The following TRIM44 variants were observed in gnomAD, a reference collection of about 807,000 sequenced individuals.
The protein encoded by TRIM44 is tripartite motif-containing protein 44.
Under a neutral mutation model 37.4 loss-of-function variants are expected in TRIM44, and 13 were observed. That is an observed-to-expected ratio of 0.35 (90% CI 0.23 to 0.55). The LOEUF is 0.55. Among genes scored for constraint, TRIM44 ranks in the 20% least tolerant of loss-of-function variants. The pLI, the probability that TRIM44 is intolerant of heterozygous loss-of-function variation, is 0.89. For missense variants in TRIM44, 426 were observed against 437.2 expected, an observed-to-expected ratio of 0.97 and a Z score of 0.23; for synonymous variants, 175 against 157.2, an observed-to-expected ratio of 1.11 and a Z score of -0.85.
intron 4 of TRIM44, among the ~76,000 whole-genome samples, chr11:35,787,867 T>G (rs1301854065): frequency 1.3e-5 from 2 of 152,318 alleles, no homozygotes; most frequent in African/African-American, 4.8e-5. Context: ...TAATGAGGCA[T>G]TCAGTGTCTA....
intron 4 of TRIM44, among the ~76,000 whole-genome samples, chr11:35,752,103 C>G (rs372706903): frequency 6.6e-6 from 1 of 151,998 alleles, no homozygotes; most frequent in Admixed American, 6.6e-5. Context: ...TAGTAAGTGG[C>G]ATTATTCTGT....
At chr11:35,757,427 T>G (rs913215309) in intron 4 of TRIM44, among the ~76,000 whole-genome samples, 3 of 152,180 alleles carry the variant, frequency 2.0e-5, no homozygotes, top group African/African-American at 4.8e-5. Context: ...TCTATCAATT[T>G]TGTTGATTTT....
chr11:35,768,195 A>G (rs1222868765), intron 4 of TRIM44, among the ~76,000 whole-genome samples: 1 of 152,192 alleles, frequency 6.6e-6, no homozygotes, highest in Non-Finnish European at 1.5e-5. Context: ...TTGAGTGTAG[A>G]CTGTAGAATT....
rs1300140891 is a variant in TRIM44, at chr11:35,817,973, A to C, written c.*11588A>C. 6.6e-6 allele frequency: 1 copy of C among 152,196 alleles called. No homozygotes were observed. The highest frequency in any genetic ancestry group is 2.4e-5 in the African/African-American group (1 of 41,440). The allele number at this position is 152,196 out of a possible 1,614,324, so 9.4% of individuals were successfully genotyped here. ...GCATCATGCTTGCTGTGCAGCCTGC[A>C]GAACTGTGAGCCAATTAAACCTCTT... is the stretch of plus-strand genomic sequence containing the variant. On this transcript the variant is annotated 3_prime_UTR_variant, in exon 5 of 5. Coordinates refer to ENST00000299413, the MANE Select transcript of TRIM44 (RefSeq NM_017583.6).
intron 2 of TRIM44, among the ~76,000 whole-genome samples, chr11:35,691,946 A>G (rs1851641359): frequency 6.6e-6 from 1 of 151,824 alleles, no homozygotes; most frequent in Non-Finnish European, 1.5e-5. Flanking sequence ...TGCCTGGCTG[A>G]ATAGGCTTAC....
At chr11:35,732,770 T>G (rs1490047243) in intron 3 of TRIM44, among the ~76,000 whole-genome samples, 1 of 152,196 alleles carries the variant, frequency 6.6e-6, no homozygotes, top group East Asian at 1.9e-4. Flanking sequence ...GATGTGCATT[T>G]CAGGTAGCAG....
At chr11:35,696,969 A>G (rs1479827467) in intron 2 of TRIM44, among the ~76,000 whole-genome samples, 6 of 152,204 alleles carry the variant, frequency 3.9e-5, no homozygotes, top group Non-Finnish European at 8.8e-5. Flanking sequence ...TCACTGTTGT[A>G]CTACTGTACT....
In TRIM44 at chr11:35,808,310, G is replaced by C. The variant is rs533659897; in HGVS notation, c.*1925G>C. 6.6e-6 allele frequency: 1 copy of C among 151,110 alleles called. No individual in the cohort carries two copies. Among genetic ancestry groups the C allele is most frequent in the East Asian group, 2.0e-4 (1 of 5,128 alleles). 9.4% of individuals were successfully genotyped at this position (151,110 alleles called of 1,614,324 possible). On this transcript the variant is annotated 3_prime_UTR_variant, in exon 5 of 5. Transcript: ENST00000299413. ...ATCTCTGCAAAGACTGGAGAATTTG[G>C]CATACCATTAATTACAACCACCAAT...
intron 2 of TRIM44, among the ~76,000 whole-genome samples, chr11:35,703,404 G>T (rs913484353): frequency 5.9e-5 from 9 of 152,218 alleles, no homozygotes; most frequent in Non-Finnish European, 1.2e-4. Flanking sequence ...TTTGAAGAGA[G>T]CAGTGGTTCT....
chr11:35,662,822 CG>C lies in TRIM44; in HGVS notation c.-289del, dbSNP rs1851284078. ...TGGTAGCGGGAGGCTGAGCGGGCGG[CG>C]CGACGCGGGGGCCGACGGGGGCGCC... On this transcript the variant is annotated 5_prime_UTR_variant, in exon 1 of 5. Transcript: ENST00000299413. 3.5e-6 allele frequency: 1 copy of C among 283,242 alleles called. No homozygotes were observed. Among genetic ancestry groups the C allele is most frequent in the African/African-American group, 2.2e-5 (1 of 45,198 alleles). The allele number at this position is 283,242 out of a possible 1,614,324, so 17.5% of individuals were successfully genotyped here. A position where few individuals can be genotyped will look rare whatever the true frequency, so the allele number is the denominator to read the frequency against.
intron 2 of TRIM44, among the ~76,000 whole-genome samples, chr11:35,711,644 T>C (rs894635729): frequency 1.4e-4 from 22 of 152,106 alleles, no homozygotes; most frequent in African/African-American, 5.3e-4. Flanking sequence ...TTGTCCCAGC[T>C]ACTTGGGAGA....
intron 4 of TRIM44, among the ~76,000 whole-genome samples, chr11:35,806,106 A>G (rs1025869928): frequency 1.3e-5 from 2 of 152,178 alleles, no homozygotes; most frequent in Non-Finnish European, 2.9e-5. Context: ...TGTGCATTTT[A>G]TATGTATTCT....
intron 4 of TRIM44, among the ~76,000 whole-genome samples, chr11:35,757,299 TATA>T (rs1480969540): frequency 6.6e-6 from 1 of 152,228 alleles, no homozygotes; most frequent in African/African-American, 2.4e-5. Flanking sequence ...TAGAGGTGTT[TATA>T]GTATTCTCTG....
intron 4 of TRIM44, among the ~76,000 whole-genome samples, chr11:35,758,891 C>T (rs1852684909): frequency 2.0e-5 from 3 of 152,198 alleles, no homozygotes. Flanking sequence ...ATGGGCTTCC[C>T]TTTGTGGGTA....
In TRIM44 at chr11:35,752,774, C is replaced by T. The variant is rs150291669; in HGVS notation, c.1007+17329C>T. ...TCATGTTCCCCTCTGCAGGAATGCT[C>T]GTCCCCAGAGTTTCACATGACTCGT... On this transcript the variant is annotated intron_variant, in intron 4 of 4. Transcript: ENST00000299413. Among the ~76,000 whole-genome samples the T allele has an allele frequency of 1.4e-3, 207 of 152,290 alleles. No homozygotes were observed. In the Middle Eastern group the frequency reaches 0.017, roughly 13 times the overall value.
intron 4 of TRIM44, among the ~76,000 whole-genome samples, chr11:35,795,648 G>A (rs1409810490): frequency 6.6e-6 from 1 of 152,094 alleles, no homozygotes. Flanking sequence ...TGGAATGACA[G>A]CATGGTGCCT....
At chr11:35,707,607 C>T (rs1397202634) in intron 2 of TRIM44, among the ~76,000 whole-genome samples, 7 of 147,488 alleles carry the variant, frequency 4.7e-5, no homozygotes, top group South Asian at 2.2e-4. Flanking sequence ...GAAATAACGC[C>T]GCATATCTAC....
At chr11:35,789,338 C>T (rs2133876332) in intron 4 of TRIM44, among the ~76,000 whole-genome samples, 1 of 152,198 alleles carries the variant, frequency 6.6e-6, no homozygotes, top group South Asian at 2.1e-4. Flanking sequence ...ATCATCTAAT[C>T]CAAGGAGGAA....
intron 4 of TRIM44, among the ~76,000 whole-genome samples, chr11:35,757,832 G>A (rs112652242): frequency 1.3e-5 from 2 of 152,286 alleles, no homozygotes; most frequent in South Asian, 2.1e-4. Flanking sequence ...TTAATCTTGA[G>A]TTCTAGTTTG....
Sources: allele counts gnomAD v4.1 joint callset (sites outside exome capture counted in the v4.1 genomes callset), GRCh38; gene constraint gnomAD v4.1.1; transcripts MANE v1.5; gene names NCBI Gene and HGNC (gene_info 2026-07-23, HGNC 2026-07-21).